Variants in PIBF1 observed in about 807,000 individuals in gnomAD.
PIBF1 encodes the protein progesterone-induced-blocking factor 1.
Under a neutral mutation model 112.5 loss-of-function variants are expected in PIBF1, and 90 were observed. The observed-to-expected ratio is 0.80, with a 90% CI of 0.67 to 0.95. The LOEUF (loss-of-function observed/expected upper bound fraction) is 0.95, where lower values mean the gene tolerates loss of function less well. Among genes scored for constraint, PIBF1 ranks in the 40% least tolerant of loss-of-function variants. PIBF1 has a pLI of 0.00. For synonymous variants in PIBF1, 301 were observed against 288.6 expected (o/e 1.04, Z -0.44); for missense variants, 915 against 852.3 (o/e 1.07, Z -0.92).
chr13:72,847,729 T>A (rs2037936711), intron 9 of PIBF1, among the ~76,000 whole-genome samples: 2 of 152,356 alleles, frequency 1.3e-5, no homozygotes, highest in African/African-American at 4.8e-5. Context: ...AGATTTCCAC[T>A]TTGCTTATTT....
At chr13:72,910,875 GAAATT>G (rs1225742428) in intron 12 of PIBF1, among the ~76,000 whole-genome samples, 3 of 152,164 alleles carry the variant, frequency 2.0e-5, no homozygotes, top group Non-Finnish European at 4.4e-5. Flanking sequence ...ATTGCTAAGA[GAAATT>G]AAAGAACCAC....
intron 12 of PIBF1, among the ~76,000 whole-genome samples, chr13:72,912,791 T>C (rs997816524): frequency 6.6e-6 from 1 of 152,080 alleles, no homozygotes; most frequent in Non-Finnish European, 1.5e-5. Flanking sequence ...AGGAAACAAT[T>C]GACTTACTTA....
At chr13:72,871,946 T>C (rs1405944677) in intron 10 of PIBF1, among the ~76,000 whole-genome samples, 1 of 152,112 alleles carries the variant, frequency 6.6e-6, no homozygotes, top group Admixed American at 6.6e-5. Flanking sequence ...TAGCACCCAG[T>C]CCCTGTATCA....
At chr13:72,838,271 A>C (rs1335197275) in intron 9 of PIBF1, among the ~76,000 whole-genome samples, 1 of 152,222 alleles carries the variant, frequency 6.6e-6, no homozygotes, top group African/African-American at 2.4e-5. Flanking sequence ...ATAGAGAAAC[A>C]ATTATCATAA....
chr13:72,802,774 A>G (rs1193858889), intron 5 of PIBF1, among the ~76,000 whole-genome samples: 2 of 152,174 alleles, frequency 1.3e-5, no homozygotes. Context: ...CATAAAGACG[A>G]TATTTAAAGC....
intron 14 of PIBF1, among the ~76,000 whole-genome samples, chr13:72,949,416 A>G (rs1329106879): frequency 6.9e-6 from 1 of 144,782 alleles, no homozygotes; most frequent in African/African-American, 2.6e-5. Flanking sequence ...CCTGGGCTCA[A>G]GCAATTCTCC....
chr13:72,901,005 A>G (rs2040462396), intron 11 of PIBF1: 1 of 409,258 alleles, frequency 2.4e-6, no homozygotes, highest in Non-Finnish European at 4.8e-6. Flanking sequence ...CTGGGCAACC[A>G]GAGCAAAACT....
intron 10 of PIBF1, among the ~76,000 whole-genome samples, chr13:72,887,504 A>G (rs1032875441): frequency 5.3e-5 from 8 of 151,996 alleles, no homozygotes; most frequent in Non-Finnish European, 1.2e-4. Context: ...CCAAAGACCT[A>G]TACCATATAC....
At chr13:73,008,174 C>T (rs894832940) in intron 17 of PIBF1, among the ~76,000 whole-genome samples, 3 of 151,932 alleles carry the variant, frequency 2.0e-5, no homozygotes, top group Admixed American at 6.6e-5. Flanking sequence ...ATAATATAAC[C>T]GAAGGAAAAA....
intron 14 of PIBF1, among the ~76,000 whole-genome samples, chr13:72,939,386 C>G (rs1437608935): frequency 6.6e-6 from 1 of 152,164 alleles, no homozygotes; most frequent in Non-Finnish European, 1.5e-5. Context: ...AATACCCACT[C>G]CTCTTTGCCC....
chr13:72,792,437 C>T lies in PIBF1; in HGVS notation c.253-10C>T. 1 of 1,455,160 alleles carries T rather than the reference C, an allele frequency of 6.9e-7. No individual in the cohort carries two copies. Among genetic ancestry groups the T allele is most frequent in the South Asian group, 1.3e-5 (1 of 77,656 alleles). 90.1% of individuals were successfully genotyped at this position (1,455,160 alleles called of 1,614,324 possible). A position where few individuals can be genotyped will look rare whatever the true frequency, so the allele number is the denominator to read the frequency against. ...CAAATCATATAATTTATCTTTTTCTCTTTACGAAGATTGAAGAATTGGAGG... is the reference window on the plus strand; with the variant it reads ...CAAATCATATAATTTATCTTTTTCTTTTTACGAAGATTGAAGAATTGGAGG... On this transcript the variant is annotated splice_polypyrimidine_tract_variant and intron_variant, in intron 2 of 17. Coordinates refer to ENST00000326291, the MANE Select transcript of PIBF1 (RefSeq NM_006346.4).
intron 14 of PIBF1, among the ~76,000 whole-genome samples, chr13:72,959,245 C>T (rs564906336): frequency 6.6e-6 from 1 of 152,318 alleles, no homozygotes; most frequent in Admixed American, 6.5e-5. Context: ...ATCCACCCAC[C>T]TTGGCTTCCC....
intron 13 of PIBF1, among the ~76,000 whole-genome samples, chr13:72,921,909 C>T (rs999613426): frequency 2.0e-5 from 3 of 152,064 alleles, no homozygotes; most frequent in African/African-American, 4.8e-5. Flanking sequence ...TCATTTAAGA[C>T]GATATTGTTT....
chr13:72,792,392 C>T, intron 2 of PIBF1, 55 bp from the exon 3 acceptor site: 2 of 1,079,094 alleles, frequency 1.9e-6, no homozygotes, highest in East Asian at 2.5e-5. Context: ...TATTATGAAA[C>T]TGAAAGTTTT....
intron 15 of PIBF1, among the ~76,000 whole-genome samples, chr13:72,968,663 A>G (rs2042813798): frequency 2.0e-5 from 3 of 152,058 alleles, no homozygotes; most frequent in Admixed American, 2.0e-4. Flanking sequence ...TTAAAATTAA[A>G]TTGTTTAAAT....
At chr13:72,941,123 G>A (rs2041997401) in intron 14 of PIBF1, among the ~76,000 whole-genome samples, 1 of 152,172 alleles carries the variant, frequency 6.6e-6, no homozygotes, top group South Asian at 2.1e-4. Context: ...AATAAACTAA[G>A]GCAGTCATAG....
chr13:72,891,634 TG>T (rs2040060859), intron 10 of PIBF1, among the ~76,000 whole-genome samples: 1 of 152,038 alleles, frequency 6.6e-6, no homozygotes, highest in African/African-American at 2.4e-5. Flanking sequence ...GCAACCCTGT[TG>T]GAAAAAAGTT....
intron 10 of PIBF1, among the ~76,000 whole-genome samples, chr13:72,874,379 T>A (rs971899349): frequency 1.3e-5 from 2 of 152,198 alleles, no homozygotes; most frequent in African/African-American, 4.8e-5. Context: ...AGTTTACACA[T>A]GCCATGGAAT....
At chr13:72,989,305 A>G (rs2043398714) in intron 16 of PIBF1, among the ~76,000 whole-genome samples, 1 of 152,254 alleles carries the variant, frequency 6.6e-6, no homozygotes, top group Non-Finnish European at 1.5e-5. Context: ...AACATTATTC[A>G]TAGTAACCAA....
Sources: allele counts gnomAD v4.1 joint callset (sites outside exome capture counted in the v4.1 genomes callset), GRCh38; gene constraint gnomAD v4.1.1; transcripts MANE v1.5; gene names NCBI Gene and HGNC (gene_info 2026-07-23, HGNC 2026-07-21).